Variants in LOC101059915 observed in about 807,000 individuals in gnomAD.
the LOC101059915 span, among the ~76,000 whole-genome samples, chrX:71,669,398 C>T: frequency 3.6e-5 from 4 of 111,550 alleles, no homozygotes; most frequent in Non-Finnish European, 7.6e-5. Context: ...TTCCCAATTC[C>T]TCCTTCCCTA....
chrX:71,670,533 G>T, the LOC101059915 span: 1 of 1,075,387 alleles, frequency 9.3e-7, no homozygotes, highest in Non-Finnish European at 1.2e-6. Flanking sequence ...TATAAGGGCT[G>T]GGGGAGACAG....
At chrX:71,669,844 A>G in the LOC101059915 span, 1 of 657,147 alleles carries the variant, frequency 1.5e-6, no homozygotes, top group Non-Finnish European at 2.1e-6. Flanking sequence ...GTCCCACAGG[A>G]AATGGGGTGT....
At chrX:71,668,921 C>T in the LOC101059915 span, 1 of 1,139,687 alleles carries the variant, frequency 8.8e-7, no homozygotes, top group East Asian at 3.3e-5. Context: ...TCCGTGAGAC[C>T]CAAGGAGCCC....
At chrX:71,668,933 A>G in the LOC101059915 span, 1 of 1,148,475 alleles carries the variant, frequency 8.7e-7, no homozygotes. Flanking sequence ...AAGGAGCCCA[A>G]GCACAGCAGC....
At chrX:71,670,333 G>A in the LOC101059915 span, 21 of 1,163,446 alleles carry the variant, frequency 1.8e-5, no homozygotes, top group Middle Eastern at 3.2e-4. Context: ...GGCTGTCCTC[G>A]GGTAATGCTT....
At chrX:71,667,835 G>C in the LOC101059915 span, 1 of 1,079,537 alleles carries the variant, frequency 9.3e-7, no homozygotes, top group East Asian at 3.5e-5. Flanking sequence ...TCCGTTTGCA[G>C]GGCTGGTTTA....
the LOC101059915 span, chrX:71,668,029 C>G: frequency 8.6e-7 from 1 of 1,165,686 alleles, no homozygotes; most frequent in African/African-American, 1.8e-5. Flanking sequence ...ATTGATAGAG[C>G]AGGGAAGGGT....
chrX:71,668,402 C>G, the LOC101059915 span: 1 of 1,157,258 alleles, frequency 8.6e-7, no homozygotes, highest in South Asian at 2.0e-5. Context: ...GCGGAAGGCC[C>G]CGCCGGGCTG....
At chrX:71,670,230 G>A in the LOC101059915 span, 6 of 1,166,254 alleles carry the variant, frequency 5.1e-6, no homozygotes, top group South Asian at 1.1e-4. Context: ...TGGGCGGCTT[G>A]GAAGCTGGAT....
the LOC101059915 span, chrX:71,668,320 C>A: frequency 8.8e-7 from 1 of 1,134,839 alleles, no homozygotes; most frequent in Admixed American, 2.9e-5. Flanking sequence ...TGGGCCAGGA[C>A]CGGCCTGGGA....
the LOC101059915 span, chrX:71,669,699 A>G: frequency 2.1e-6 from 2 of 973,096 alleles, no homozygotes; most frequent in Non-Finnish European, 2.6e-6. Flanking sequence ...TGGTGCCCAG[A>G]TGCCATGCAT....
At chrX:71,668,436 A>T in the LOC101059915 span, 3 of 1,161,527 alleles carry the variant, frequency 2.6e-6, no homozygotes, top group Non-Finnish European at 3.4e-6. Context: ...CTGATTCCGC[A>T]GATGAGAGCA....
At chrX:71,670,450 A>T in the LOC101059915 span, 4 of 1,111,043 alleles carry the variant, frequency 3.6e-6, no homozygotes, top group Middle Eastern at 3.5e-4. Flanking sequence ...TACCCCATGC[A>T]GAGTGAGTGC....
the LOC101059915 span, chrX:71,670,441 ACC>A: frequency 3.6e-6 from 4 of 1,124,074 alleles, no homozygotes; most frequent in Non-Finnish European, 4.7e-6. Flanking sequence ...TGCCTACCAT[ACC>A]CCATGCAGAG....
At chrX:71,671,423 G>A in the LOC101059915 span, 1 of 484,825 alleles carries the variant, frequency 2.1e-6, no homozygotes, top group Admixed American at 4.1e-5. Context: ...CAGCTAAGCG[G>A]GTTCCCTCCA....
the LOC101059915 span, among the ~76,000 whole-genome samples, chrX:71,670,006 C>T: frequency 8.9e-6 from 1 of 112,540 alleles, no homozygotes; most frequent in Non-Finnish European, 1.9e-5. Context: ...CCATACCGGC[C>T]CTCCCAGGGC....
the LOC101059915 span, chrX:71,668,173 C>T: frequency 8.9e-7 from 1 of 1,127,986 alleles, no homozygotes; most frequent in Non-Finnish European, 1.2e-6. Context: ...ACACCCGTCC[C>T]CAGAAGGCGC....
chrX:71,669,422 C>T, the LOC101059915 span: 1 of 528,208 alleles, frequency 1.9e-6, no homozygotes, highest in Non-Finnish European at 2.7e-6. Context: ...GTTAAGCAAG[C>T]CCTCCTGTCT....
chrX:71,668,878 C>G, the LOC101059915 span: 1 of 1,105,702 alleles, frequency 9.0e-7, no homozygotes, highest in Non-Finnish European at 1.2e-6. Context: ...GGCTAGCTTC[C>G]CGCCAGTGTC....
Sources: gnomAD v4.1 joint callset for allele counts (sites outside exome capture counted in the v4.1 genomes callset) on GRCh38, gnomAD v4.1.1 for gene constraint, MANE v1.5 for transcripts.